TTN: variants seen among roughly 807,000 people sequenced by gnomAD.
TTN encodes titin, also known as connectin.
A neutral mutation model predicts 3,223.0 loss-of-function variants in TTN; 1,525 were observed. The observed-to-expected ratio is 0.47, with a 90% confidence interval of 0.45 to 0.49. The LOEUF (loss-of-function observed/expected upper bound fraction) is 0.49, where lower values mean the gene tolerates loss of function less well. Ranked by LOEUF, TTN falls within the 20% of genes least tolerant of loss-of-function variation. The pLI is 0.00. For missense variants in TTN, 40,786 were observed against 43,424.0 expected, an observed-to-expected ratio of 0.94 and a Z score of 5.40; for synonymous variants, 14,094 against 15,161.0, an observed-to-expected ratio of 0.93 and a Z score of 5.17.
chr2:178,792,280 G>A (rs1010341483), intron 9 of TTN, 83 bp from the exon 10 acceptor site: 1 of 1,374,870 alleles, frequency 7.3e-7, no homozygotes, highest in Non-Finnish European at 9.9e-7. Context: ...AACAACATAG[G>A]AATTTGAAGA....
Position 178,768,015 on chromosome 2 carries a change from T to C in TTN, c.9304A>G (p.Arg3102Gly). The C allele has an allele frequency of 6.2e-7, 1 of 1,614,168 alleles. No individual in the cohort carries two copies. Residue 3102 changes from arginine to glycine, a missense_variant and splice_region_variant, in exon 39 of 363, where the codon AGA (arginine) becomes GGA (glycine). Physicochemically the swap from Arg to Gly is moderately radical, Grantham distance 125. Coordinates refer to ENST00000589042, the MANE Select transcript of TTN (RefSeq NM_001267550.2). ...KDDQELQITD[R>G]IKIQKEKYVH... ...ATGTAGCAAGACAAAACAACTGACC[T>C]GTCTGTGATCTGCAGTTCCTGGTCA...
At chr2:178,726,070 T>C in intron 69 of TTN, 24 bp from the exon 70 acceptor site, 2 of 1,500,590 alleles carry the variant, frequency 1.3e-6, no homozygotes, top group Non-Finnish European at 1.8e-6. Context: ...GAATTTCTCA[T>C]GAATTGGGCT....
At position 178,562,136 on chromosome 2, in the gene TTN, T is replaced by A; in HGVS notation, c.83996A>T (p.Asp27999Val). 1 of 1,613,264 alleles carries A rather than the reference T, an allele frequency of 6.2e-7. No homozygotes were observed. Among genetic ancestry groups the A allele is most frequent in the Non-Finnish European group, 8.5e-7 (1 of 1,179,576 alleles). The change falls in exon 326 of 363, where the codon GAT (aspartate) becomes GTT (valine). Residue 27999 changes from aspartate (D) to valine (V), a missense_variant. Coordinates refer to ENST00000589042, the MANE Select transcript of TTN (RefSeq NM_001267550.2). ...AGTTGTCTCTTTAAGAGTCTGACCA[T>A]CTTTTCTCCAGTTCACAGTAGCTTG... Reference protein sequence around the residue: ...RPQATVNWRKDGQTLKETTRV... With the variant: ...RPQATVNWRKVGQTLKETTRV...
chr2:178,735,057 G>A, intron 50 of TTN, 69 bp from the exon 51 acceptor site: 11 of 1,446,768 alleles, frequency 7.6e-6, no homozygotes, highest in Non-Finnish European at 1.0e-5. Context: ...AAGAAAAGTA[G>A]ACATATACAA....
chr2:178,689,493 T>A, intron 123 of TTN, 22 bp downstream of exon 123: 1 of 1,605,960 alleles, frequency 6.2e-7, no homozygotes, highest in Non-Finnish European at 8.5e-7. Flanking sequence ...CAAGGTTATT[T>A]CATGGAGATG....
Position 178,721,940 on chromosome 2 carries a change from G to C in TTN, c.22723C>G (p.Leu7575Val), listed in dbSNP as rs774759859. 3.7e-6 allele frequency: 6 copies of C among 1,613,446 alleles called. No individual in the cohort carries two copies. The East Asian group carries it at 8.9e-5, about 24-fold the overall frequency. ...CCAGAGTCTCCTTTGCCTACTTTAA[G>C]AATTCTCAAATGAGGAGTGTTTCCC... is the stretch of plus-strand genomic sequence containing the variant. ...CVGNTPHLRI[L>V]KVGKGDSGQY... Residue 7575 changes from leucine to valine, a missense_variant, in exon 78 of 363, where the codon CTT becomes GTT. Transcript: ENST00000589042.
chr2:178,570,147 C>T lies in TTN; in HGVS notation c.75985G>A (p.Ala25329Thr). 6.2e-7 allele frequency: 1 copy of T among 1,613,518 alleles called. No individual in the cohort carries two copies. The highest frequency in any genetic ancestry group is 1.1e-5 in the South Asian group (1 of 91,070). Residue 25329 changes from alanine to threonine, a missense_variant, in exon 326 of 363, where the codon GCA (alanine) becomes ACA (threonine). Transcript: ENST00000589042. The part of the protein sequence containing the change: ...DSMIVVWERP[A>T]SDGGSEILGY... Reference sequence around the variant, plus strand: ...AGAATTTCACTACCACCATCAGATGCTGGTCTTTCCCATACAACAATCATT... The same window carrying T: ...AGAATTTCACTACCACCATCAGATGTTGGTCTTTCCCATACAACAATCATT...
chr2:178,680,163 T>C (rs2069024586), intron 139 of TTN, 91 bp downstream of exon 139: 1 of 1,581,664 alleles, frequency 6.3e-7, no homozygotes, highest in African/African-American at 1.4e-5. Context: ...AAGATTTACT[T>C]TTCCCACAAA....
At chr2:178,752,008 T>C in intron 47 of TTN, 4 of 1,592,504 alleles carry the variant, frequency 2.5e-6, no homozygotes, top group Non-Finnish European at 3.4e-6. Context: ...TATCCCTTTC[T>C]GAATGTTCAG....
Position 178,770,279 on chromosome 2 carries a change from C to T in TTN, c.8422G>A (p.Glu2808Lys), listed in dbSNP as rs2154342769. 1 of 1,614,160 alleles carries T rather than the reference C, an allele frequency of 6.2e-7. No homozygotes were observed. Among genetic ancestry groups the T allele is most frequent in the South Asian group, 1.1e-5 (1 of 91,082 alleles). ...IKKPKDVTAL[E>K]NATVAFEVSV... is the part of the protein sequence containing the mutation. ...ACTTCAAAGGCAACAGTGGCATTTT[C>T]CAAGGCTGTCACATCCTTTGGCTTT... Residue 2808 changes from glutamate (E) to lysine (K), a missense_variant, in exon 36 of 363, where the codon GAA becomes AAA. Physicochemically the swap from Glu to Lys is moderately conservative, Grantham distance 56. Transcript: ENST00000589042.
chr2:178,611,078 A>G lies in TTN; in HGVS notation c.51051T>C (p.Ser17017=), dbSNP rs1246257248. 1.9e-6 allele frequency: 3 copies of G among 1,612,754 alleles called. No homozygotes were observed. The highest frequency in any genetic ancestry group is 2.2e-5 in the South Asian group (2 of 91,036). Residue 17017 remains serine (S), a synonymous_variant, in exon 270 of 363, where the codon AGT becomes AGC. Transcript: ENST00000589042. ...TATAAATTCCGGCATCTGCACGGAC[A>G]CTCTTGGGAACTTCAAGGTGTGCAG... is the stretch of plus-strand genomic sequence containing the variant. ...HISAHLEVPK[S]VRADAGIYTI... is the part of the protein sequence containing the mutation.
intron 47 of TTN, chr2:178,750,543 G>C: frequency 1.9e-6 from 3 of 1,612,480 alleles, no homozygotes; most frequent in Non-Finnish European, 2.5e-6. Flanking sequence ...TAAACTTCTT[G>C]AGATTCAATT....
Position 178,677,840 on chromosome 2 carries a change from CA to C in TTN, c.34071del (p.Ile11357MetfsTer111). On this transcript the variant is annotated frameshift_variant, in exon 146 of 363. Transcript: ENST00000589042. LOFTEE classifies it high-confidence loss of function. ...QEEEVLFEEE[I>X]VPEEEVLPEE... ...TCAGGTAGAACTTCCTCTTCAGGAA[CA>C]ATTTCTTCTTCAAATAGAACTTCCT... 1 of 1,612,400 alleles carries C rather than the reference CA, an allele frequency of 6.2e-7. No homozygotes were observed. Among genetic ancestry groups the C allele is most frequent in the Non-Finnish European group, 8.5e-7 (1 of 1,179,040 alleles).
In TTN at chr2:178,718,754, G is replaced by T. The variant is rs1278756355; in HGVS notation, c.24446C>A (p.Ser8149Tyr). ...EVQPLESGDY[S>Y]CLVTNDAGSA... ...GCCAGCATCATTTGTAACGAGGCAA[G>T]AATAGTCTCCACTTTCTAATGGCTG... Residue 8149 changes from serine to tyrosine, a missense_variant, in exon 84 of 363, where the codon TCT becomes TAT. Physicochemically the swap from Ser to Tyr is moderately radical, Grantham distance 144. Coordinates refer to ENST00000589042, the MANE Select transcript of TTN (RefSeq NM_001267550.2). The T allele has an allele frequency of 6.2e-7, 1 of 1,613,804 alleles. No individual in the cohort carries two copies. The highest frequency in any genetic ancestry group is 1.1e-5 in the South Asian group (1 of 91,074).
intron 6 of TTN, among the ~76,000 whole-genome samples, chr2:178,795,539 G>A (rs1574935786): frequency 6.6e-6 from 1 of 150,878 alleles, no homozygotes; most frequent in Non-Finnish European, 1.5e-5. Flanking sequence ...AATCACAACA[G>A]AAAAAGCTAC....
chr2:178,561,043 GA>G lies in TTN; in HGVS notation c.85088del (p.Phe28363SerfsTer15). On this transcript the variant is annotated frameshift_variant, in exon 326 of 363. Coordinates refer to ENST00000589042, the MANE Select transcript of TTN (RefSeq NM_001267550.2). LOFTEE classifies it high-confidence loss of function. ...EPPRVMMDVK[F>X]RDVIVVKAGE... Reference sequence around the variant, plus strand: ...CAGCTTTGACAACAATAACGTCTCGGAACTTGACATCCATCATAACTCTTGG... The same window carrying G: ...CAGCTTTGACAACAATAACGTCTCGGACTTGACATCCATCATAACTCTTGG... 1 of 1,613,766 alleles carries G rather than the reference GA, an allele frequency of 6.2e-7. No individual in the cohort carries two copies. Among genetic ancestry groups the G allele is most frequent in the Non-Finnish European group, 8.5e-7 (1 of 1,179,780 alleles).
Position 178,694,907 on chromosome 2 carries a change from C to T in TTN, c.31271-1G>A, listed in dbSNP as rs2073321617. ...TTTTCAATTACTGGCTTCTTTATAACTGCAAGCATTTTAGAGAAATTGCAG... is the reference window on the plus strand; with the variant it reads ...TTTTCAATTACTGGCTTCTTTATAATTGCAAGCATTTTAGAGAAATTGCAG... On this transcript the variant is annotated splice_acceptor_variant, in intron 115 of 362. Transcript: ENST00000589042. LOFTEE classifies it high-confidence loss of function. 1.3e-6 allele frequency: 2 copies of T among 1,543,568 alleles called. No individual in the cohort carries two copies. The highest frequency in any genetic ancestry group is 4.8e-5 in the East Asian group (2 of 41,636).
Position 178,702,536 on chromosome 2 carries a change from C to T in TTN, c.30351G>A (p.Leu10117=), listed in dbSNP as rs2075194702. 1 of 1,613,856 alleles carries T rather than the reference C, an allele frequency of 6.2e-7. No homozygotes were observed. The highest frequency in any genetic ancestry group is 8.5e-7 in the Non-Finnish European group (1 of 1,179,906). The part of the protein sequence containing the change: ...IVTWYKGPTE[L]TESQKYNFRN... ...TGAAGTTGTATTTCTGGCTCTCTGT[C>T]AGTTCTGTTGGTCCTTTGTACCATG... is the stretch of plus-strand genomic sequence containing the variant. The change falls in exon 107 of 363, where the codon CTG becomes CTA. Residue 10117 remains leucine (L), a synonymous_variant. Transcript: ENST00000589042.
At position 178,528,934 on chromosome 2, in the gene TTN, T is replaced by A; in HGVS notation, c.106817A>T (p.His35606Leu). 6.2e-7 allele frequency: 1 copy of A among 1,614,052 alleles called. No individual in the cohort carries two copies. Residue 35606 changes from histidine (H) to leucine (L), a missense_variant, in exon 360 of 363, where the codon CAT (histidine) becomes CTT (leucine). Coordinates refer to ENST00000589042, the MANE Select transcript of TTN (RefSeq NM_001267550.2). Reference protein sequence around the residue: ...TSQASEEVRTHAEIKAFSTQM... With the variant: ...TSQASEEVRTLAEIKAFSTQM... Reference sequence around the variant, plus strand: ...AGTAGAAAATGCTTTAATCTCAGCATGAGTTCTGACTTCTTCTGATGCCTG... The same window carrying A: ...AGTAGAAAATGCTTTAATCTCAGCAAGAGTTCTGACTTCTTCTGATGCCTG...
Sources: allele counts gnomAD v4.1 joint callset (sites outside exome capture counted in the v4.1 genomes callset), GRCh38; gene constraint gnomAD v4.1.1; transcripts MANE v1.5; gene names NCBI Gene and HGNC (gene_info 2026-07-23, HGNC 2026-07-21).